Variants in BMS1 observed in about 807,000 individuals in gnomAD.
The protein encoded by BMS1 is BMS1 ribosome biogenesis factor.
In BMS1, 53 loss-of-function variants were observed where a neutral mutation model predicts 138.7. The observed-to-expected ratio is 0.38, with a 90% confidence interval of 0.31 to 0.48. The LOEUF is 0.48. Among genes scored for constraint, BMS1 ranks in the 20% least tolerant of loss-of-function variants. The pLI is 0.97. For missense variants in BMS1, 1,360 were observed against 1,565.5 expected, an observed-to-expected ratio of 0.87 and a Z score of 2.22; for synonymous variants, 504 against 539.9, an observed-to-expected ratio of 0.93 and a Z score of 0.92.
intron 7 of BMS1, 22 bp downstream of exon 7, chr10:42,792,636 T>C: frequency 1.3e-6 from 2 of 1,597,144 alleles, no homozygotes; most frequent in South Asian, 1.1e-5. Flanking sequence ...TTGTAGAACA[T>C]ACTAGAATTA....
chr10:42,798,281 GCT>G (rs955814571), intron 11 of BMS1, among the ~76,000 whole-genome samples, 185 bp from the exon 12 acceptor site: 1 of 152,146 alleles, frequency 6.6e-6, no homozygotes, highest in African/African-American at 2.4e-5. Context: ...TAGCTTCCTG[GCT>G]CTCTTCATCT....
chr10:42,807,265 C>A (rs1260155939), intron 13 of BMS1, among the ~76,000 whole-genome samples: 1 of 152,178 alleles, frequency 6.6e-6, no homozygotes, highest in Non-Finnish European at 1.5e-5. Flanking sequence ...TTGTCATCTT[C>A]AAGAATGTTA....
intron 9 of BMS1, among the ~76,000 whole-genome samples, chr10:42,794,465 T>TAA (rs1399302030): frequency 4.6e-5 from 7 of 151,878 alleles, no homozygotes; most frequent in African/African-American, 1.7e-4. Context: ...TGTATACCTT[T>TAA]ATATGCAGTG....
Position 42,787,267 on chromosome 10 carries a change from C to T in BMS1, c.447+20C>T, listed in dbSNP as rs763036596. On this transcript the variant is annotated intron_variant, in intron 4 of 22. Coordinates refer to ENST00000374518, the MANE Select transcript of BMS1 (RefSeq NM_014753.4). ...GATCTGGTAAGTGAGCAGGGGCAGC[C>T]TGGGGTGCTGATGGAGACTTACAGC... The T allele has an allele frequency of 3.3e-6, 3 of 897,252 alleles. No individual in the cohort carries two copies. The highest frequency in any genetic ancestry group is 3.8e-5 in the Admixed American group (2 of 52,764). 55.6% of individuals were successfully genotyped at this position (897,252 alleles called of 1,614,324 possible).
intron 21 of BMS1, among the ~76,000 whole-genome samples, chr10:42,825,681 T>G (rs1461830221): frequency 6.6e-6 from 1 of 152,200 alleles, no homozygotes; most frequent in African/African-American, 2.4e-5. Context: ...GTTCTCACAC[T>G]TTTTTGTGGA....
intron 13 of BMS1, among the ~76,000 whole-genome samples, chr10:42,802,689 T>C (rs1004933043): frequency 2.0e-5 from 3 of 151,790 alleles, no homozygotes; most frequent in African/African-American, 7.2e-5. Context: ...CTTTATATAA[T>C]TTTTGGCAGG....
chr10:42,820,561 A>C lies in BMS1; in HGVS notation c.2823A>C (p.Pro941=). 6.2e-7 allele frequency: 1 copy of C among 1,611,504 alleles called. No individual in the cohort carries two copies. ...AGAAAATCCTCAAGTCCCGAGATCC[A>C]ATCATATTTTCTGTAGGGTGGAGGA... ...WYKKILKSRD[P]IIFSVGWRRF... is the part of the protein sequence containing the mutation. Residue 941 remains proline (P), a synonymous_variant, in exon 17 of 23, where the codon CCA becomes CCC. Transcript: ENST00000374518.
intron 19 of BMS1, among the ~76,000 whole-genome samples, 157 bp from the exon 20 acceptor site, chr10:42,822,961 G>A (rs1842543479): frequency 6.6e-6 from 1 of 152,222 alleles, no homozygotes; most frequent in South Asian, 2.1e-4. Context: ...TTTTGAGATA[G>A]TAATTCCACT....
intron 2 of BMS1, 113 bp downstream of exon 2, chr10:42,784,683 G>A: frequency 8.0e-7 from 1 of 1,249,794 alleles, no homozygotes; most frequent in Non-Finnish European, 1.1e-6. Flanking sequence ...AAAGGACATG[G>A]AGATTCATGG....
At position 42,793,162 on chromosome 10, in the gene BMS1, G is replaced by T; in HGVS notation, c.1089+18G>T. ...TTTTTCAGGTATCGGTGAGACGGGA[G>T]TCATTTCTCTGAACTTTCAGTATTC... On this transcript the variant is annotated intron_variant, in intron 8 of 22. Coordinates refer to ENST00000374518, the MANE Select transcript of BMS1 (RefSeq NM_014753.4). 4 of 1,570,920 alleles carry T rather than the reference G, an allele frequency of 2.5e-6. No individual in the cohort carries two copies. Among genetic ancestry groups the T allele is most frequent in the Non-Finnish European group, 2.6e-6 (3 of 1,161,432 alleles).
intron 11 of BMS1, 93 bp downstream of exon 11, chr10:42,797,616 C>T: frequency 8.3e-7 from 1 of 1,201,856 alleles, no homozygotes; most frequent in Non-Finnish European, 1.2e-6. Flanking sequence ...GTATTGTTGA[C>T]ATCCATAATT....
rs922637878 is a variant in BMS1 at position 42,794,079 on chromosome 10, G to C, written c.1229+88G>C. 2.1e-6 allele frequency: 3 copies of C among 1,446,466 alleles called. No homozygotes were observed. In the African/African-American group the frequency reaches 4.3e-5, roughly 21 times the overall value. 89.6% of individuals were successfully genotyped at this position (1,446,466 alleles called of 1,614,324 possible). A position where few individuals can be genotyped will look rare whatever the true frequency, so the allele number is the denominator to read the frequency against. On this transcript the variant is annotated intron_variant, in intron 9 of 22. Transcript: ENST00000374518. ...AATTCAGCCATCATAACACATTTCG[G>C]TGGGATTCATTCTATGTTGTTTTGT...
chr10:42,794,705 C>T (rs868054468), intron 9 of BMS1, among the ~76,000 whole-genome samples: 97 of 151,726 alleles, frequency 6.4e-4, no homozygotes, highest in Admixed American at 4.6e-4. Flanking sequence ...CAAGAATACT[C>T]TCCTCTAATA....
At chr10:42,792,393 C>G in intron 6 of BMS1, 100 bp from the exon 7 acceptor site, 1 of 1,470,036 alleles carries the variant, frequency 6.8e-7, no homozygotes. Flanking sequence ...TTCTAAATGA[C>G]GTGCTTAATG....
intron 15 of BMS1, among the ~76,000 whole-genome samples, chr10:42,818,850 A>G (rs1457347130): frequency 6.6e-6 from 1 of 152,190 alleles, no homozygotes; most frequent in Non-Finnish European, 1.5e-5. Context: ...AGTCCTGAGC[A>G]GTGCCTAGGA....
chr10:42,788,733 A>G (rs1211580726), intron 4 of BMS1, among the ~76,000 whole-genome samples: 5 of 152,314 alleles, frequency 3.3e-5, no homozygotes, highest in East Asian at 3.9e-4. Flanking sequence ...ACATTTGGTA[A>G]AGTACTCTAA....
intron 13 of BMS1, among the ~76,000 whole-genome samples, chr10:42,811,098 A>G (rs934965333): frequency 7.9e-5 from 12 of 151,710 alleles, no homozygotes; most frequent in African/African-American, 2.9e-4. Context: ...GCTGGAGTGC[A>G]GTGGCACGTT....
intron 13 of BMS1, among the ~76,000 whole-genome samples, chr10:42,809,058 G>A (rs1006444830): frequency 1.3e-5 from 2 of 152,124 alleles, no homozygotes; most frequent in African/African-American, 4.8e-5. Flanking sequence ...TGGGATTTTG[G>A]TAGGGATTGC....
intron 21 of BMS1, among the ~76,000 whole-genome samples, chr10:42,829,573 G>A (rs1842746065): frequency 6.6e-6 from 1 of 152,092 alleles, no homozygotes; most frequent in Non-Finnish European, 1.5e-5. Flanking sequence ...TAGCACTTTG[G>A]GAGGCCAAGG....
Sources: gnomAD v4.1 joint callset for allele counts (sites outside exome capture counted in the v4.1 genomes callset) on GRCh38, gnomAD v4.1.1 for gene constraint, MANE v1.5 for transcripts, NCBI Gene and HGNC (gene_info 2026-07-23, HGNC 2026-07-21) for gene names.